HNMT: variants seen among roughly 807,000 people sequenced by gnomAD.
The protein encoded by HNMT is histamine N-methyltransferase.
In HNMT, 30 loss-of-function variants were observed where a neutral mutation model predicts 32.1. That is an observed-to-expected ratio of 0.93 (90% confidence interval 0.70 to 1.27). The LOEUF (loss-of-function observed/expected upper bound fraction) is 1.27, where lower values mean the gene tolerates loss of function less well. HNMT is among the 50% of genes most tolerant of loss of function. The pLI is 0.00. For synonymous variants in HNMT, 125 were observed against 119.0 expected, an observed-to-expected ratio of 1.05 and a Z score of -0.33; for missense variants, 327 against 346.0, an observed-to-expected ratio of 0.95 and a Z score of 0.43.
chr2:137,977,147 A>C (rs1680311148), intron 2 of HNMT, among the ~76,000 whole-genome samples: 1 of 152,220 alleles, frequency 6.6e-6, no homozygotes, highest in African/African-American at 2.4e-5. Context: ...GAAAAAAAGC[A>C]GTATGTTAGG....
At chr2:138,008,996 A>G (rs1416476872) in intron 5 of HNMT, among the ~76,000 whole-genome samples, 1 of 152,146 alleles carries the variant, frequency 6.6e-6, no homozygotes, top group African/African-American at 2.4e-5. Context: ...AAATATTTGC[A>G]TAGTATGCAT....
intron 2 of HNMT, among the ~76,000 whole-genome samples, chr2:137,989,344 T>C (rs977437554): frequency 2.6e-5 from 4 of 152,346 alleles, no homozygotes; most frequent in Non-Finnish European, 5.9e-5. Context: ...CCTTTTCATA[T>C]TGGCTCCGTT....
intron 2 of HNMT, among the ~76,000 whole-genome samples, chr2:137,993,398 C>T (rs565881947): frequency 9.4e-4 from 143 of 152,152 alleles, no homozygotes; most frequent in African/African-American, 3.2e-3. Context: ...ACGAGAACTT[C>T]CTGAAGCATA....
chr2:137,982,513 G>A (rs996130831), intron 2 of HNMT, among the ~76,000 whole-genome samples: 9 of 152,084 alleles, frequency 5.9e-5, no homozygotes, highest in Non-Finnish European at 1.3e-4. Flanking sequence ...TGAGGGACAC[G>A]GTGGTACCAA....
chr2:138,002,223 CAGAA>C (rs1239378565), intron 4 of HNMT, 29 bp downstream of exon 4: 25 of 1,371,664 alleles, frequency 1.8e-5, no homozygotes, highest in East Asian at 2.6e-5. Context: ...AATATATACT[CAGAA>C]AGAAGACTTT....
intron 4 of HNMT, chr2:138,002,706 A>G (rs1223352645): frequency 1.5e-6 from 1 of 670,664 alleles, no homozygotes; most frequent in East Asian, 1.4e-4. Context: ...TTCAACCTCC[A>G]AAAGTGTTGG....
In HNMT at chr2:137,982,120, AT is replaced by A. The variant is rs1297377265; in HGVS notation, c.190+11905del. On this transcript the variant is annotated intron_variant, in intron 2 of 5. Transcript: ENST00000280097. ...AGCCTAGGCCTCCCGAAGTGCTGGGATTACAGGCAGGAGCCACTGCGCCCAG... is the reference window on the plus strand; with the variant it reads ...AGCCTAGGCCTCCCGAAGTGCTGGGATACAGGCAGGAGCCACTGCGCCCAG... 2.6e-5 allele frequency among the ~76,000 whole-genome samples: 4 copies of A among 152,194 alleles called. No individual in the cohort carries two copies. In the East Asian group the frequency reaches 5.8e-4, roughly 22 times the overall value.
At position 138,015,752 on chromosome 2, in the gene HNMT, C is replaced by T. The variant is rs561668566; in HGVS notation, c.*1622C>T. The T allele has an allele frequency of 1.3e-5, 2 of 152,150 alleles. No individual in the cohort carries two copies. Among genetic ancestry groups the T allele is most frequent in the Admixed American group, 1.3e-4 (2 of 15,282 alleles). The allele number at this position is 152,150 out of a possible 1,614,324, so 9.4% of individuals were successfully genotyped here. A position where few individuals can be genotyped will look rare whatever the true frequency, so the allele number is the denominator to read the frequency against. ...GCCATGAAGACCTTGAAGAGCTTCA[C>T]CAGAAGTATGGAAATCAAGACTTTA... On this transcript the variant is annotated 3_prime_UTR_variant, in exon 6 of 6. Coordinates refer to ENST00000280097, the MANE Select transcript of HNMT (RefSeq NM_006895.3).
intron 5 of HNMT, among the ~76,000 whole-genome samples, chr2:138,006,075 T>C (rs911130341): frequency 4.6e-5 from 7 of 152,006 alleles, no homozygotes; most frequent in South Asian, 4.1e-4. Flanking sequence ...TTTGACCTTA[T>C]GTGAAAGTTT....
intron 2 of HNMT, chr2:137,981,344 G>A: frequency 6.2e-7 from 1 of 1,613,062 alleles, no homozygotes; most frequent in Non-Finnish European, 8.5e-7. Flanking sequence ...GCCATTTGGA[G>A]CTGCCCGTTT....
chr2:137,970,832 A>C (rs944126920), intron 2 of HNMT, among the ~76,000 whole-genome samples: 1 of 149,108 alleles, frequency 6.7e-6, no homozygotes, highest in Non-Finnish European at 1.5e-5. Context: ...AGGCAGGAGA[A>C]TGGCGTGAAT....
chr2:137,966,504 G>A (rs943423548), intron 1 of HNMT, among the ~76,000 whole-genome samples: 2 of 152,138 alleles, frequency 1.3e-5, no homozygotes. Context: ...AATAATTTGA[G>A]TGTTTATGTT....
intron 2 of HNMT, among the ~76,000 whole-genome samples, chr2:137,978,090 A>G (rs999661834): frequency 1.3e-5 from 2 of 152,014 alleles, no homozygotes; most frequent in African/African-American, 4.8e-5. Flanking sequence ...CTGTTTTTAA[A>G]AATATCATCA....
chr2:137,970,618 A>G (rs1680091794), intron 2 of HNMT, among the ~76,000 whole-genome samples: 1 of 152,168 alleles, frequency 6.6e-6, no homozygotes, highest in African/African-American at 2.4e-5. Context: ...GTCCATGTGA[A>G]GATCTGAAAT....
chr2:137,995,424 G>T (rs1360047878), intron 2 of HNMT, among the ~76,000 whole-genome samples: 4 of 152,204 alleles, frequency 2.6e-5, no homozygotes, highest in African/African-American at 7.2e-5. Context: ...AGAAGAAATG[G>T]TTAAATTCCT....
intron 5 of HNMT, among the ~76,000 whole-genome samples, chr2:138,011,285 C>T (rs528017628): frequency 5.3e-5 from 8 of 152,094 alleles, no homozygotes; most frequent in South Asian, 4.2e-4. Context: ...TCTTGTTTGC[C>T]GGCAAACTCT....
chr2:137,998,367 T>C (rs761164186), intron 2 of HNMT, among the ~76,000 whole-genome samples: 5 of 152,184 alleles, frequency 3.3e-5, no homozygotes, highest in Admixed American at 1.3e-4. Flanking sequence ...GCTAATGATA[T>C]TTTATTAAAA....
chr2:137,974,271 A>G (rs560711023), intron 2 of HNMT, among the ~76,000 whole-genome samples: 1 of 152,286 alleles, frequency 6.6e-6, no homozygotes, highest in African/African-American at 2.4e-5. Context: ...TGCTTTATTC[A>G]GGGTCTTGAA....
chr2:137,982,334 A>C (rs1358404747), intron 2 of HNMT, among the ~76,000 whole-genome samples: 9 of 152,176 alleles, frequency 5.9e-5, no homozygotes, highest in Admixed American at 1.3e-4. Flanking sequence ...ACATTCAGAG[A>C]TCTCAATTAC....
Sources: gnomAD v4.1 joint callset for allele counts (sites outside exome capture counted in the v4.1 genomes callset) on GRCh38, gnomAD v4.1.1 for gene constraint, MANE v1.5 for transcripts, NCBI Gene and HGNC (gene_info 2026-07-23, HGNC 2026-07-21) for gene names.